The following ARHGAP6 variants were observed in gnomAD, a reference collection of about 807,000 sequenced individuals.
ARHGAP6 encodes Rho GTPase activating protein 6, also known as rho GTPase-activating protein 6.
Under a neutral mutation model 55.7 loss-of-function variants are expected in ARHGAP6, and 16 were observed. The ratio of observed to expected loss-of-function variants is 0.29; its 90% confidence interval spans 0.19 to 0.44. The LOEUF is 0.44. ARHGAP6 is among the 20% of genes least tolerant of loss of function. The probability of loss-of-function intolerance (pLI) is 1.00; values close to 1 mark genes in which losing one functional copy is unlikely to be tolerated. For missense variants in ARHGAP6, 698 were observed against 808.9 expected (o/e 0.86, Z 1.66); for synonymous variants, 382 against 360.9 (o/e 1.06, Z -0.66).
chrX:11,616,519 G>T (rs2052166623), intron 1 of ARHGAP6, among the ~76,000 whole-genome samples: 2 of 110,387 alleles, frequency 1.8e-5, no homozygotes, highest in Admixed American at 1.9e-4. Context: ...GTACAGACGG[G>T]TTTTCACCAT....
chrX:11,486,166 G>C (rs2050509188), intron 1 of ARHGAP6, among the ~76,000 whole-genome samples: 1 of 111,688 alleles, frequency 9.0e-6, no homozygotes, highest in South Asian at 3.8e-4. Flanking sequence ...AGAAAACTCT[G>C]GGTTATAGTG....
chrX:11,625,286 A>T (rs1049024010), intron 1 of ARHGAP6, among the ~76,000 whole-genome samples: 11 of 98,021 alleles, frequency 1.1e-4, no homozygotes, highest in African/African-American at 3.6e-4. Context: ...GAAAATGTGG[A>T]GTGTGTGTGT....
intron 1 of ARHGAP6, among the ~76,000 whole-genome samples, chrX:11,461,897 A>G (rs1469984876): frequency 9.0e-6 from 1 of 111,578 alleles, no homozygotes; most frequent in East Asian, 2.8e-4. Flanking sequence ...CTGACCAGAG[A>G]CTGGCCAGAA....
At chrX:11,214,280 CACACGTGTGTGTGTGCACAT>C (rs1359467189) in intron 2 of ARHGAP6, among the ~76,000 whole-genome samples, 1 of 110,100 alleles carries the variant, frequency 9.1e-6, no homozygotes, top group Non-Finnish European at 1.9e-5. Context: ...CACACACACA[CACACGTGTGTGTGTGCACAT>C]ACATATATAT....
chrX:11,199,776 AT>A (rs2046593716), intron 2 of ARHGAP6, among the ~76,000 whole-genome samples: 2 of 112,282 alleles, frequency 1.8e-5, no homozygotes, highest in Admixed American at 9.4e-5. Context: ...TTTTCACTTA[AT>A]TAGATAGCGG....
chrX:11,341,703 G>C (rs142222698), intron 1 of ARHGAP6, among the ~76,000 whole-genome samples: 1 of 111,978 alleles, frequency 8.9e-6, no homozygotes, highest in East Asian at 2.8e-4. Context: ...GAGTTTCACA[G>C]CTGAACAATG....
At chrX:11,590,862 A>AG (rs2051810946) in intron 1 of ARHGAP6, among the ~76,000 whole-genome samples, 1 of 20,216 alleles carries the variant, frequency 4.9e-5, no homozygotes, top group African/African-American at 3.6e-4. Context: ...AAAAGAAAAG[A>AG]AAAGAAGGAA....
intron 1 of ARHGAP6, among the ~76,000 whole-genome samples, chrX:11,407,120 C>A (rs1209268300): frequency 1.8e-5 from 2 of 111,546 alleles, no homozygotes; most frequent in Non-Finnish European, 3.8e-5. Context: ...CAAAAAGAAA[C>A]CCCATACCCA....
intron 1 of ARHGAP6, among the ~76,000 whole-genome samples, chrX:11,571,971 G>T (rs1023677574): frequency 9.1e-6 from 1 of 109,942 alleles, no homozygotes; most frequent in African/African-American, 3.3e-5. Flanking sequence ...CAAGACTGAG[G>T]GACCATGAGA....
At position 11,664,668 on chromosome X, in the gene ARHGAP6, T is replaced by C. The variant is rs2052736902; in HGVS notation, c.161A>G (p.Glu54Gly). 1.7e-6 allele frequency: 2 copies of C among 1,163,285 alleles called. No individual in the cohort carries two copies. The highest frequency in any genetic ancestry group is 2.3e-6 in the Non-Finnish European group (2 of 872,160). Residue 54 changes from glutamate to glycine, a missense_variant, in exon 1 of 13, where the codon GAG (glutamate) becomes GGG (glycine). Physicochemically the swap from Glu to Gly is moderately conservative, Grantham distance 98. Coordinates refer to ENST00000337414, the MANE Select transcript of ARHGAP6 (RefSeq NM_013427.3). ...CGCCGTGGCTCCCCGCGCACTGCCC[T>C]CCGCGCCCGCCTCGTCGCTCCCGCA... ...GGCGSDEAGA[E>G]GSARGATAGR... is the part of the protein sequence containing the mutation.
intron 1 of ARHGAP6, among the ~76,000 whole-genome samples, chrX:11,259,103 G>A (rs1396108810): frequency 9.0e-6 from 1 of 111,194 alleles, no homozygotes; most frequent in Non-Finnish European, 1.9e-5. Flanking sequence ...ATTATTTTTT[G>A]TAGCCATTAA....
intron 1 of ARHGAP6, among the ~76,000 whole-genome samples, chrX:11,597,212 T>C (rs971431914): frequency 2.7e-5 from 3 of 112,551 alleles, no homozygotes; most frequent in Non-Finnish European, 3.7e-5. Flanking sequence ...ATTTCCAAAA[T>C]AGTGATTTTC....
intron 1 of ARHGAP6, among the ~76,000 whole-genome samples, chrX:11,532,656 G>A (rs1199690545): frequency 5.8e-5 from 6 of 103,752 alleles, no homozygotes; most frequent in East Asian, 3.0e-4. Flanking sequence ...TTAAAAAGAA[G>A]ACTATTTCAT....
chrX:11,506,703 T>C (rs2050736827), intron 1 of ARHGAP6, among the ~76,000 whole-genome samples: 1 of 111,800 alleles, frequency 8.9e-6, no homozygotes, highest in Non-Finnish European at 1.9e-5. Flanking sequence ...TAAACATACG[T>C]GTGCATGTGT....
intron 1 of ARHGAP6, among the ~76,000 whole-genome samples, chrX:11,406,412 T>C (rs984258328): frequency 1.3e-4 from 15 of 111,303 alleles, no homozygotes; most frequent in African/African-American, 4.6e-4. Flanking sequence ...TCTTTTTTCC[T>C]TTTTAGAGAT....
chrX:11,315,182 C>T (rs908223540), intron 1 of ARHGAP6, among the ~76,000 whole-genome samples: 3 of 112,626 alleles, frequency 2.7e-5, no homozygotes, highest in African/African-American at 9.7e-5. Flanking sequence ...ATGTTTTAGA[C>T]TAGCTGACCC....
chrX:11,199,612 C>T (rs188742648), intron 2 of ARHGAP6, among the ~76,000 whole-genome samples: 3 of 112,143 alleles, frequency 2.7e-5, no homozygotes, highest in African/African-American at 9.7e-5. Flanking sequence ...CATTTGTATT[C>T]CCACAAATAT....
At chrX:11,357,873 C>T (rs139771769) in intron 1 of ARHGAP6, among the ~76,000 whole-genome samples, 1,445 of 111,923 alleles carry the variant, frequency 0.013, 13 homozygotes, top group South Asian at 0.045. Context: ...TTAATTATAT[C>T]TTTCTTTAAA....
intron 1 of ARHGAP6, among the ~76,000 whole-genome samples, chrX:11,571,488 A>G (rs1283355163): frequency 1.8e-5 from 2 of 110,345 alleles, no homozygotes; most frequent in African/African-American, 6.6e-5. Flanking sequence ...GGATTTTGAA[A>G]ATGTAACTAA....
Sources: gnomAD v4.1 joint callset for allele counts (sites outside exome capture counted in the v4.1 genomes callset) on GRCh38, gnomAD v4.1.1 for gene constraint, MANE v1.5 for transcripts, NCBI Gene and HGNC (gene_info 2026-07-23, HGNC 2026-07-21) for gene names.